ASIC4: variants seen among roughly 807,000 people sequenced by gnomAD.
ASIC4 encodes acid sensing ion channel subunit family member 4, also known as acid-sensing ion channel 4.
Under a neutral mutation model 53.4 loss-of-function variants are expected in ASIC4, and 28 were observed. The observed-to-expected ratio is 0.52, with a 90% CI of 0.39 to 0.72. The LOEUF (loss-of-function observed/expected upper bound fraction) is 0.72, where lower values mean the gene tolerates loss of function less well. Ranked by LOEUF, ASIC4 falls within the 30% of genes least tolerant of loss-of-function variation. The probability of loss-of-function intolerance (pLI) is 0.00; values close to 1 mark genes in which losing one functional copy is unlikely to be tolerated. For synonymous variants in ASIC4, 289 were observed against 301.4 expected (o/e 0.96, Z 0.43); for missense variants, 649 against 729.7 (o/e 0.89, Z 1.27).
rs961908368 is a variant in ASIC4 at position 219,537,061 on chromosome 2, C to T, written c.1230-5C>T. On this transcript the variant is annotated splice_region_variant and splice_polypyrimidine_tract_variant and intron_variant, in intron 6 of 9. Transcript: ENST00000358078. The surrounding 1 kb of genome is among the most constrained non-coding windows in gnomAD (Gnocchi z 4.9). The stretch of plus-strand genomic sequence containing the variant: ...ACACGGATACCCTGCTTCCTGTCTC[C>T]ACAGGGAGAACTTCCTGGTCCTAGA... The T allele has an allele frequency of 2.5e-6, 4 of 1,613,618 alleles. No homozygotes were observed. Among genetic ancestry groups the T allele is most frequent in the South Asian group, 1.1e-5 (1 of 91,064 alleles).
At chr2:219,532,149 C>G (rs1347947603) in intron 3 of ASIC4, 21 bp downstream of exon 3, 2 of 1,613,826 alleles carry the variant, frequency 1.2e-6, no homozygotes, top group South Asian at 2.2e-5. Context: ...CCTGCTAGGC[C>G]CTGGATTGGG....
In ASIC4 at chr2:219,515,276, G is replaced by C; in HGVS notation, c.552G>C (p.Gly184=). 2 of 1,612,960 alleles carry C rather than the reference G, an allele frequency of 1.2e-6. No homozygotes were observed. The highest frequency in any genetic ancestry group is 2.2e-5 in the East Asian group (1 of 44,862). The change falls in exon 1 of 10, where the codon GGG becomes GGC. Residue 184 remains glycine (G), a synonymous_variant. Transcript: ENST00000358078. ...TGCTTAAGAGCTGCAACTTCAGTGGGCATCACTGCTCCGCCAGCAACTTCT... is the reference window on the plus strand; with the variant it reads ...TGCTTAAGAGCTGCAACTTCAGTGGCCATCACTGCTCCGCCAGCAACTTCT... ...ADMLKSCNFS[G]HHCSASNFSV...
In ASIC4 at chr2:219,536,539, C is replaced by A. The variant is rs896106586; in HGVS notation, c.1230-527C>A. On this transcript the variant is annotated intron_variant, in intron 6 of 9. Transcript: ENST00000358078. The surrounding 1 kb of genome is among the most constrained non-coding windows in gnomAD (Gnocchi z 4.6). ...GGAGGCGTGAGCCGGCCTCTGAGGG[C>A]CCTGGGTTTGGGGTCTGAGAGAGGA... 1.3e-5 allele frequency among the ~76,000 whole-genome samples: 2 copies of A among 152,076 alleles called. No homozygotes were observed.
Position 219,538,417 on chromosome 2 carries a change from G to T in ASIC4, c.*371G>T. The T allele has an allele frequency of 3.8e-6, 1 of 263,244 alleles. No homozygotes were observed. The highest frequency in any genetic ancestry group is 4.2e-5 in the South Asian group (1 of 23,858). 16.3% of individuals were successfully genotyped at this position (263,244 alleles called of 1,614,324 possible). The stretch of plus-strand genomic sequence containing the variant: ...GGGGGAGGGGATACAGATGTAGAAG[G>T]TGGGTAGGGCTACAGGGGTGGGTGA... On this transcript the variant is annotated 3_prime_UTR_variant, in exon 10 of 10. Coordinates refer to ENST00000358078, the MANE Select transcript of ASIC4 (RefSeq NM_018674.6).
rs773435759 is a variant in ASIC4 at position 219,537,300 on chromosome 2, G to A, written c.1380G>A (p.Glu460=). Residue 460 remains glutamate (E), a synonymous_variant, in exon 8 of 10, where the codon GAG becomes GAA. Coordinates refer to ENST00000358078, the MANE Select transcript of ASIC4 (RefSeq NM_018674.6). This position sits in a 1 kb window ranked among gnomAD's most constrained non-coding sequence, Gnocchi z 4.9. ...FIGASILTLL[E]ILDYIYEVSW... ...GGGCCAGCATCCTCACGTTGCTGGA[G>A]ATCCTCGACTACATCTATGAGGCAA... is the stretch of plus-strand genomic sequence containing the variant. 11 of 1,613,276 alleles carry A rather than the reference G, an allele frequency of 6.8e-6. No individual in the cohort carries two copies. The South Asian group carries it at 1.2e-4, about 18-fold the overall frequency.
upstream of ASIC4, among the ~76,000 whole-genome samples, chr2:219,511,982 G>A (rs914839695): frequency 5.9e-5 from 9 of 152,094 alleles, no homozygotes; most frequent in African/African-American, 9.7e-5. The surrounding 1 kb of genome is among the most constrained non-coding windows in gnomAD (Gnocchi z 5.3). Flanking sequence ...GGTGAGAAGC[G>A]GAGGGAAAGG....
intron 1 of ASIC4, among the ~76,000 whole-genome samples, chr2:219,529,773 G>A (rs1510659): frequency 0.96 from 145,650 of 152,186 alleles, 69,988 homozygotes; most frequent in East Asian, 1. Flanking sequence ...AGACGGCACT[G>A]TGTTCTGTAA....
chr2:219,507,106 A>G, the ASIC4 span: 1 of 354,584 alleles, frequency 2.8e-6, no homozygotes, highest in South Asian at 3.6e-5. Context: ...CTCATGAATA[A>G]TGAATCTGGA....
Position 219,537,389 on chromosome 2 carries a change from G to A in ASIC4, c.1401+68G>A, listed in dbSNP as rs1266809461. 6 of 1,516,506 alleles carry A rather than the reference G, an allele frequency of 4.0e-6. No homozygotes were observed. Among genetic ancestry groups the A allele is most frequent in the African/African-American group, 1.4e-5 (1 of 73,074 alleles). 93.9% of individuals were successfully genotyped at this position (1,516,506 alleles called of 1,614,324 possible). On this transcript the variant is annotated intron_variant, in intron 8 of 9. Coordinates refer to ENST00000358078, the MANE Select transcript of ASIC4 (RefSeq NM_018674.6). This position sits in a 1 kb window ranked among gnomAD's most constrained non-coding sequence, Gnocchi z 4.9. Reference sequence around the variant, plus strand: ...GCAAAGCAGAAGGGGGCAGTGCGGGGTGCCTGGTGGAGCTGGCCTGGCTGG... The same window carrying A: ...GCAAAGCAGAAGGGGGCAGTGCGGGATGCCTGGTGGAGCTGGCCTGGCTGG...
chr2:219,517,885 C>T lies in ASIC4; in HGVS notation c.582+2579C>T, dbSNP rs1227431086. On this transcript the variant is annotated intron_variant, in intron 1 of 9. Coordinates refer to ENST00000358078, the MANE Select transcript of ASIC4 (RefSeq NM_018674.6). This position sits in a 1 kb window ranked among gnomAD's most constrained non-coding sequence, Gnocchi z 4.2. ...GCTGTTATGTGTTTTCTGTTGCTTTCCCTGTTTCCTCCTTCCCACTCCCCA... is the reference window on the plus strand; with the variant it reads ...GCTGTTATGTGTTTTCTGTTGCTTTTCCTGTTTCCTCCTTCCCACTCCCCA... 6.6e-6 allele frequency among the ~76,000 whole-genome samples: 1 copy of T among 152,036 alleles called. No homozygotes were observed.
At chr2:219,530,596 G>A (rs1695027167) in intron 1 of ASIC4, among the ~76,000 whole-genome samples, 1 of 152,246 alleles carries the variant, frequency 6.6e-6, no homozygotes, top group Non-Finnish European at 1.5e-5. Flanking sequence ...ACAGACATGT[G>A]GATGCATGGA....
At position 219,536,699 on chromosome 2, in the gene ASIC4, G is replaced by A. The variant is rs1055109148; in HGVS notation, c.1230-367G>A. Among the ~76,000 whole-genome samples the A allele has an allele frequency of 1.3e-5, 2 of 151,994 alleles. No individual in the cohort carries two copies. The highest frequency in any genetic ancestry group is 6.5e-5 in the Admixed American group (1 of 15,268). ...AGGAAGGTGCCGGGGACAGGCCACCGGCTGCCCAGGACACCGAGAAGGGGC... is the reference window on the plus strand; with the variant it reads ...AGGAAGGTGCCGGGGACAGGCCACCAGCTGCCCAGGACACCGAGAAGGGGC... On this transcript the variant is annotated intron_variant, in intron 6 of 9. Coordinates refer to ENST00000358078, the MANE Select transcript of ASIC4 (RefSeq NM_018674.6). This position sits in a 1 kb window ranked among gnomAD's most constrained non-coding sequence, Gnocchi z 4.6.
At chr2:219,507,599 G>T in the ASIC4 span, among the ~76,000 whole-genome samples, 1 of 152,118 alleles carries the variant, frequency 6.6e-6, no homozygotes, top group Non-Finnish European at 1.5e-5. Flanking sequence ...CCCTGGCCCT[G>T]CCCTTTGGTA....
rs939223135 is a variant in ASIC4, at chr2:219,538,169, T to A, written c.*123T>A. Reference sequence around the variant, plus strand: ...ACTGGGAGGGCCAGGACTCAGTTCCTGCTCTCATCCTCCCCTGCCCTGATG... The same window carrying A: ...ACTGGGAGGGCCAGGACTCAGTTCCAGCTCTCATCCTCCCCTGCCCTGATG... On this transcript the variant is annotated 3_prime_UTR_variant, in exon 10 of 10. Coordinates refer to ENST00000358078, the MANE Select transcript of ASIC4 (RefSeq NM_018674.6). The A allele has an allele frequency of 1.2e-6, 1 of 810,036 alleles. No individual in the cohort carries two copies. Among genetic ancestry groups the A allele is most frequent in the East Asian group, 2.7e-5 (1 of 37,584 alleles). 50.2% of individuals were successfully genotyped at this position (810,036 alleles called of 1,614,324 possible).
upstream of ASIC4, chr2:219,514,050 G>C (rs944807682): frequency 4.8e-6 from 2 of 420,126 alleles, no homozygotes; most frequent in East Asian, 3.8e-5. Flanking sequence ...GCCAGGAGGT[G>C]GGGGGATAGA....
At chr2:219,525,962 G>A (rs1051104386) in intron 1 of ASIC4, among the ~76,000 whole-genome samples, 9 of 152,226 alleles carry the variant, frequency 5.9e-5, no homozygotes, top group African/African-American at 2.2e-4. Context: ...AGGCAGTGGA[G>A]ATAAAGCCCA....
chr2:219,513,164 G>C (rs1009186229), upstream of ASIC4, among the ~76,000 whole-genome samples: 5 of 152,076 alleles, frequency 3.3e-5, no homozygotes, highest in Non-Finnish European at 7.4e-5. Flanking sequence ...GGCTTGGATC[G>C]ATGGAGCCAC....
At chr2:219,532,852 A>T in intron 4 of ASIC4, 31 bp from the exon 5 acceptor site, 1 of 1,601,230 alleles carries the variant, frequency 6.2e-7, no homozygotes. Flanking sequence ...AAGTGATCGT[A>T]GATTCCAGGA....
At position 219,537,607 on chromosome 2, in the gene ASIC4, G is replaced by T. The variant is rs1471920531; in HGVS notation, c.1402-25G>T. 6.3e-7 allele frequency: 1 copy of T among 1,595,352 alleles called. No homozygotes were observed. Among genetic ancestry groups the T allele is most frequent in the Non-Finnish European group, 8.5e-7 (1 of 1,169,614 alleles). On this transcript the variant is annotated intron_variant, in intron 8 of 9. Coordinates refer to ENST00000358078, the MANE Select transcript of ASIC4 (RefSeq NM_018674.6). The surrounding 1 kb of genome is among the most constrained non-coding windows in gnomAD (Gnocchi z 4.9). Reference sequence around the variant, plus strand: ...CTCAACCAAATTTCCTGAGCCCACTGCTGTCCCCGACCCTGAACCCCAAGG... The same window carrying T: ...CTCAACCAAATTTCCTGAGCCCACTTCTGTCCCCGACCCTGAACCCCAAGG...
Sources: gnomAD v4.1 joint callset for allele counts (sites outside exome capture counted in the v4.1 genomes callset) on GRCh38, gnomAD v4.1.1 for gene constraint, Gnocchi (gnomAD v3.1) non-coding constraint, MANE v1.5 for transcripts, NCBI Gene and HGNC (gene_info 2026-07-23, HGNC 2026-07-21) for gene names.